The following GNRH2 variants were observed in gnomAD, a reference collection of about 807,000 sequenced individuals.
GNRH2 encodes gonadotropin releasing hormone 2, also known as progonadoliberin-2.
A neutral mutation model predicts 12.1 loss-of-function variants in GNRH2; 15 were observed. That is an observed-to-expected ratio of 1.24 (90% CI 0.83 to 1.90). The LOEUF (loss-of-function observed/expected upper bound fraction) is 1.90. Ranked by LOEUF, GNRH2 falls within the 40% of genes most tolerant of loss-of-function variation. The pLI is 0.00. For synonymous variants in GNRH2, 60 were observed against 62.0 expected (o/e 0.97, Z 0.15); for missense variants, 143 against 141.4 (o/e 1.01, Z -0.06).
chr20:3,045,453 T>A (rs146818057), intron 3 of GNRH2, among the ~76,000 whole-genome samples: 1 of 152,318 alleles, frequency 6.6e-6, no homozygotes, highest in African/African-American at 2.4e-5. Flanking sequence ...GTGTATGTGC[T>A]GAGGTTTCTA....
Position 3,045,689 on chromosome 20 carries a change from G to A in GNRH2, c.295G>A (p.Ala99Thr), listed in dbSNP as rs2065981999. ...KRHLARTLLT[A>T]AREPRPAPPS... ...ACCGCCACCTCTCCCTCCGCAGACC[G>A]CAGCCCGAGAGCCCCGCCCCGCCCC... The change falls in exon 4 of 4, where the codon GCA becomes ACA. Residue 99 changes from alanine to threonine, a missense_variant. Transcript: ENST00000359100. The A allele has an allele frequency of 6.2e-7, 1 of 1,607,532 alleles. No individual in the cohort carries two copies. The highest frequency in any genetic ancestry group is 8.5e-7 in the Non-Finnish European group (1 of 1,176,146).
rs762257287 is a variant in GNRH2, at chr20:3,044,738, GATGCCCTGGCTCCCCTGGACGACAGC to G, written c.203_228del (p.Ala68GlyfsTer36). 2.2e-4 allele frequency: 347 copies of G among 1,612,470 alleles called. No homozygotes were observed. Among genetic ancestry groups the G allele is most frequent in the African/African-American group, 2.8e-4 (21 of 74,918 alleles). ...CCAGACTGCCCATGGCCTCCCAAGTGATGCCCTGGCTCCCCTGGACGACAGCATGCCCTGGGAGGGCAGGACCACGG... is the reference window on the plus strand; with the variant it reads ...CCAGACTGCCCATGGCCTCCCAAGTGATGCCCTGGGAGGGCAGGACCACGG... On this transcript the variant is annotated frameshift_variant, in exon 3 of 4. Transcript: ENST00000359100. LOFTEE classifies it high-confidence loss of function.
At chr20:3,045,467 G>A (rs772844535) in intron 3 of GNRH2, among the ~76,000 whole-genome samples, 13 of 152,170 alleles carry the variant, frequency 8.5e-5, no homozygotes, top group Non-Finnish European at 1.5e-4. Context: ...GTTTCTATGC[G>A]TCAGGCTTGT....
chr20:3,045,590 CTG>C, intron 3 of GNRH2, 94 bp from the exon 4 acceptor site: 2 of 1,054,506 alleles, frequency 1.9e-6, no homozygotes, highest in Non-Finnish European at 2.9e-6. Context: ...CACATGGGGA[CTG>C]GGGGGGACGA....
At chr20:3,044,288 A>C in intron 1 of GNRH2, 120 bp from the exon 2 acceptor site, 1 of 723,826 alleles carries the variant, frequency 1.4e-6, no homozygotes, top group Non-Finnish European at 2.4e-6. Flanking sequence ...CAGAGAGGGA[A>C]GGGCATAAGG....
rs2065964948 is a variant in GNRH2 at position 3,044,460 on chromosome 20, G to T, written c.46G>T (p.Ala16Ser). 4 of 1,613,482 alleles carry T rather than the reference G, an allele frequency of 2.5e-6. No individual in the cohort carries two copies. The highest frequency in any genetic ancestry group is 3.4e-6 in the Non-Finnish European group (4 of 1,179,660). ...CCTCCTGCTCCTGCTGCTGCTGACT[G>T]CCCACCTTGGACCCTCAGAGGCTCA... Reference protein sequence around the residue: ...RGLLLLLLLTAHLGPSEAQHW... With the variant: ...RGLLLLLLLTSHLGPSEAQHW... The change falls in exon 2 of 4, where the codon GCC becomes TCC. Residue 16 changes from alanine (A) to serine (S), a missense_variant. Physicochemically the swap from Ala to Ser is moderately conservative, Grantham distance 99. Coordinates refer to ENST00000359100, the MANE Select transcript of GNRH2 (RefSeq NM_178331.2).
chr20:3,045,152 A>C (rs1280803581), intron 3 of GNRH2, among the ~76,000 whole-genome samples: 3 of 152,178 alleles, frequency 2.0e-5, no homozygotes, highest in African/African-American at 7.2e-5. Context: ...GCATCCTGAC[A>C]AGCCAATGAC....
At position 3,045,589 on chromosome 20, in the gene GNRH2, A is replaced by G; in HGVS notation, c.292-97A>G. The G allele has an allele frequency of 5.0e-6, 5 of 1,005,344 alleles. No homozygotes were observed. In the South Asian group the frequency reaches 5.7e-5, roughly 11 times the overall value. 62.3% of individuals were successfully genotyped at this position (1,005,344 alleles called of 1,614,324 possible). ...TCCTGCTGTGGGAGGCCACATGGGGACTGGGGGGGACGAGAGGGGAGAGAA... is the reference window on the plus strand; with the variant it reads ...TCCTGCTGTGGGAGGCCACATGGGGGCTGGGGGGGACGAGAGGGGAGAGAA... On this transcript the variant is annotated intron_variant, in intron 3 of 3. Coordinates refer to ENST00000359100, the MANE Select transcript of GNRH2 (RefSeq NM_178331.2).
At position 3,044,445 on chromosome 20, in the gene GNRH2, C is replaced by T. The variant is rs769468778; in HGVS notation, c.31C>T (p.Leu11=). The change falls in exon 2 of 4, where the codon CTG becomes TTG. Residue 11 remains leucine (L), a synonymous_variant. Coordinates refer to ENST00000359100, the MANE Select transcript of GNRH2 (RefSeq NM_178331.2). MASSRRGLLL[L]LLLTAHLGPS... ...CAGCTCCAGGCGAGGCCTCCTGCTC[C>T]TGCTGCTGCTGACTGCCCACCTTGG... 5 of 1,611,320 alleles carry T rather than the reference C, an allele frequency of 3.1e-6. No individual in the cohort carries two copies. The Admixed American group carries it at 5.0e-5, about 16-fold the overall frequency.
chr20:3,043,944 G>A (rs569324852), intron 1 of GNRH2: 14 of 166,462 alleles, frequency 8.4e-5, no homozygotes, highest in East Asian at 8.1e-4. Context: ...AGCAGGCCAC[G>A]GAGAAAAGGG....
chr20:3,045,707 C>T lies in GNRH2; in HGVS notation c.313C>T (p.Pro105Ser). The T allele has an allele frequency of 6.2e-7, 1 of 1,610,954 alleles. No homozygotes were observed. Among genetic ancestry groups the T allele is most frequent in the Non-Finnish European group, 8.5e-7 (1 of 1,177,532 alleles). ...TLLTAAREPR[P>S]APPSSNKV Reference sequence around the variant, plus strand: ...GCAGACCGCAGCCCGAGAGCCCCGCCCCGCCCCGCCATCCTCCAATAAAGT... The same window carrying T: ...GCAGACCGCAGCCCGAGAGCCCCGCTCCGCCCCGCCATCCTCCAATAAAGT... The change falls in exon 4 of 4, where the codon CCC becomes TCC. Residue 105 changes from proline (P) to serine (S), a missense_variant. Transcript: ENST00000359100.
In GNRH2 at chr20:3,044,574, T is replaced by G. The variant is rs759620719; in HGVS notation, c.154+6T>G. 11 of 1,613,300 alleles carry G rather than the reference T, an allele frequency of 6.8e-6. No individual in the cohort carries two copies. Among genetic ancestry groups the G allele is most frequent in the African/African-American group, 1.3e-5 (1 of 74,922 alleles). ...GAATGCCCTTAGGCCCCCAGGTGGG[T>G]GTCTCCCAGCCTCATGGGGAGGAAG... On this transcript the variant is annotated splice_donor_region_variant and intron_variant, in intron 2 of 3. Transcript: ENST00000359100.
rs776856452 is a variant in GNRH2, at chr20:3,045,595, G to A, written c.292-91G>A. The A allele has an allele frequency of 7.2e-6, 8 of 1,105,108 alleles. No individual in the cohort carries two copies. In the East Asian group the frequency reaches 1.2e-4, roughly 17 times the overall value. 68.5% of individuals were successfully genotyped at this position (1,105,108 alleles called of 1,614,324 possible). ...TGTGGGAGGCCACATGGGGACTGGG[G>A]GGGACGAGAGGGGAGAGAACCAGGA... On this transcript the variant is annotated intron_variant, in intron 3 of 3. Transcript: ENST00000359100.
intron 1 of GNRH2, 48 bp downstream of exon 1, chr20:3,043,713 C>T (rs949718246): frequency 2.0e-5 from 3 of 152,442 alleles, no homozygotes; most frequent in Admixed American, 1.3e-4. Flanking sequence ...GACCAAGTTT[C>T]ATCCTGGGCG....
Position 3,044,748 on chromosome 20 carries a change from C to T in GNRH2, c.203C>T (p.Ala68Val). The T allele has an allele frequency of 1.2e-6, 2 of 1,611,650 alleles. No individual in the cohort carries two copies. Among genetic ancestry groups the T allele is most frequent in the South Asian group, 2.2e-5 (2 of 90,944 alleles). Residue 68 changes from alanine to valine, a missense_variant, in exon 3 of 4, where the codon GCT becomes GTT. By Grantham distance (64) the Ala-to-Val change is moderately conservative. Transcript: ENST00000359100. ...CATGGCCTCCCAAGTGATGCCCTGG[C>T]TCCCCTGGACGACAGCATGCCCTGG... ...TAHGLPSDAL[A>V]PLDDSMPWEG...
chr20:3,045,097 G>A (rs1194602622), intron 3 of GNRH2, among the ~76,000 whole-genome samples: 2 of 152,210 alleles, frequency 1.3e-5, no homozygotes, highest in Admixed American at 6.5e-5. Context: ...AGACTAGAAG[G>A]AGATAATTGT....
Position 3,044,769 on chromosome 20 carries a change from C to T in GNRH2, c.224C>T (p.Pro75Leu), listed in dbSNP as rs1216347340. 5.0e-6 allele frequency: 8 copies of T among 1,612,810 alleles called. No individual in the cohort carries two copies. Among genetic ancestry groups the T allele is most frequent in the Non-Finnish European group, 6.8e-6 (8 of 1,179,508 alleles). The change falls in exon 3 of 4, where the codon CCC becomes CTC. Residue 75 changes from proline to leucine, a missense_variant. By Grantham distance (98) the Pro-to-Leu change is moderately conservative (BLOSUM62 -3). Transcript: ENST00000359100. ...CTGGCTCCCCTGGACGACAGCATGCCCTGGGAGGGCAGGACCACGGCCCAG... is the reference window on the plus strand; with the variant it reads ...CTGGCTCCCCTGGACGACAGCATGCTCTGGGAGGGCAGGACCACGGCCCAG... The part of the protein sequence containing the change: ...DALAPLDDSM[P>L]WEGRTTAQWS...
At position 3,044,185 on chromosome 20, in the gene GNRH2, A is replaced by G. The variant is rs188008462; in HGVS notation, c.-7-223A>G. On this transcript the variant is annotated intron_variant, in intron 1 of 3. Coordinates refer to ENST00000359100, the MANE Select transcript of GNRH2 (RefSeq NM_178331.2). ...CAGGTAGCCTCTGTGCCCCAGGCTC[A>G]GGGAGAAGGCTCGTCCCCTGGAGCA... 421 of 528,730 alleles carry G rather than the reference A, an allele frequency of 8.0e-4. 5 individuals carry two copies. The East Asian group carries it at 0.01, about 13-fold the overall frequency. 32.8% of individuals were successfully genotyped at this position (528,730 alleles called of 1,614,324 possible). A position where few individuals can be genotyped will look rare whatever the true frequency, so the allele number is the denominator to read the frequency against.
In GNRH2 at chr20:3,044,765, A is replaced by T; in HGVS notation, c.220A>T (p.Met74Leu). The change falls in exon 3 of 4, where the codon ATG becomes TTG. Residue 74 changes from methionine (M) to leucine (L), a missense_variant. Coordinates refer to ENST00000359100, the MANE Select transcript of GNRH2 (RefSeq NM_178331.2). ...TGCCCTGGCTCCCCTGGACGACAGC[A>T]TGCCCTGGGAGGGCAGGACCACGGC... ...SDALAPLDDS[M>L]PWEGRTTAQW... 2.5e-6 allele frequency: 4 copies of T among 1,612,244 alleles called. No homozygotes were observed. Among genetic ancestry groups the T allele is most frequent in the Non-Finnish European group, 2.5e-6 (3 of 1,178,992 alleles).
Sources: allele counts gnomAD v4.1 joint callset (sites outside exome capture counted in the v4.1 genomes callset), GRCh38; gene constraint gnomAD v4.1.1; transcripts MANE v1.5; gene names NCBI Gene and HGNC (gene_info 2026-07-23, HGNC 2026-07-21).